The following KLRD1 variants were observed in gnomAD, a reference collection of about 807,000 sequenced individuals.
The protein encoded by KLRD1 is killer cell lectin like receptor D1, also known as natural killer cells antigen CD94.
Under a neutral mutation model 22.6 loss-of-function variants are expected in KLRD1, and 21 were observed. The ratio of observed to expected loss-of-function variants is 0.93; its 90% CI spans 0.66 to 1.34. The LOEUF is 1.34. Among genes scored for constraint, KLRD1 ranks in the 40% most tolerant of loss-of-function variants. KLRD1 has a pLI of 0.00. For missense variants in KLRD1, 183 were observed against 208.6 expected, an observed-to-expected ratio of 0.88 and a Z score of 0.76; for synonymous variants, 59 against 71.1, an observed-to-expected ratio of 0.83 and a Z score of 0.85.
At position 10,316,367 on chromosome 12, in the gene KLRD1, C is replaced by G. The variant is rs1950228793; in HGVS notation, c.*1574C>G. The G allele has an allele frequency of 6.6e-6, 1 of 152,060 alleles. No homozygotes were observed. Among genetic ancestry groups the G allele is most frequent in the Admixed American group, 6.6e-5 (1 of 15,254 alleles). The allele number at this position is 152,060 out of a possible 1,614,324, so 9.4% of individuals were successfully genotyped here. On this transcript the variant is annotated 3_prime_UTR_variant, in exon 6 of 6. Transcript: ENST00000336164. ...TCCTAAAAATATGTTACAACTGCTA[C>G]TTCATAGTTTATGCCACTTATTTTA...
chr12:10,251,512 GA>G lies in KLRD1; in HGVS notation c.-101+25282del, dbSNP rs1191750395. ...TTTTGGCCCCAGGGACCGGTTTCAT[GA>G]AAGATAATTTTTCTATGGATGGGAG... On this transcript the variant is annotated intron_variant, in intron 1 of 5. Coordinates refer to the KLRD1 transcript ENST00000544747. Among the ~76,000 whole-genome samples the G allele has an allele frequency of 3.9e-5, 6 of 152,110 alleles. 1 individual carries two copies. Among genetic ancestry groups the G allele is most frequent in the African/African-American group, 1.4e-4 (6 of 41,400 alleles).
chr12:10,239,397 A>C (rs575187755), intron 1 of KLRD1, among the ~76,000 whole-genome samples: 3,303 of 149,538 alleles, frequency 0.022, 320 homozygotes, highest in African/African-American at 0.078. Context: ...ATTTGGCAGC[A>C]GCATTTCCTT....
intron 1 of KLRD1, among the ~76,000 whole-genome samples, chr12:10,239,434 T>TTCCTTCCTTCCTTCCTTTCCTTCC (rs59390706): frequency 2.4e-5 from 1 of 41,402 alleles, no homozygotes; most frequent in African/African-American, 8.1e-5. Flanking sequence ...CCTTCCTTCC[T>TTCCTTCCTTCCTTCCTTTCCTTCC]TTCCTTCCTT....
chr12:10,296,843 C>T (rs1403166806), intron 1 of KLRD1, among the ~76,000 whole-genome samples: 1 of 152,194 alleles, frequency 6.6e-6, no homozygotes, highest in Admixed American at 6.5e-5. Context: ...GCTGTGTTTC[C>T]AACCAGGGGT....
intron 1 of KLRD1, among the ~76,000 whole-genome samples, chr12:10,294,164 A>G (rs1200936672): frequency 1.3e-5 from 2 of 152,210 alleles, no homozygotes; most frequent in Admixed American, 6.5e-5. Context: ...AGATTTCTCT[A>G]TACAACGCAC....
At chr12:10,274,346 G>A (rs1020378829) in intron 1 of KLRD1, among the ~76,000 whole-genome samples, 1 of 152,120 alleles carries the variant, frequency 6.6e-6, no homozygotes, top group African/African-American at 2.4e-5. Flanking sequence ...ATAAGGATGT[G>A]AAATGGTTGA....
In KLRD1 at chr12:10,322,372, T is replaced by C. The variant is rs544108583; in HGVS notation, c.*7579T>C. ...AAATAGAGGACATTTTAGAGCCCAA[T>C]AGTAAGCTAGGATTATATTTCCTTC... On this transcript the variant is annotated 3_prime_UTR_variant, in exon 6 of 6. Coordinates refer to ENST00000336164, the MANE Select transcript of KLRD1 (RefSeq NM_002262.5). The C allele has an allele frequency of 2.0e-5, 3 of 152,322 alleles. No individual in the cohort carries two copies. In the South Asian group the frequency reaches 6.2e-4, roughly 32 times the overall value. 9.4% of individuals were successfully genotyped at this position (152,322 alleles called of 1,614,324 possible).
At chr12:10,254,049 A>G (rs1387050148) in intron 1 of KLRD1, among the ~76,000 whole-genome samples, 3 of 152,166 alleles carry the variant, frequency 2.0e-5, no homozygotes, top group African/African-American at 7.2e-5. Context: ...ATTTCGTGAC[A>G]AAGACACCAA....
chr12:10,273,579 C>T (rs1301467215), intron 1 of KLRD1, among the ~76,000 whole-genome samples: 1 of 152,134 alleles, frequency 6.6e-6, no homozygotes, highest in East Asian at 1.9e-4. Context: ...GTCAACTGCC[C>T]TCTCCTTTGA....
chr12:10,286,995 G>A (rs747494842), intron 1 of KLRD1, among the ~76,000 whole-genome samples: 5 of 152,112 alleles, frequency 3.3e-5, no homozygotes, highest in East Asian at 1.9e-4. Context: ...ACAATTAGAC[G>A]GGCGTGGTGG....
chr12:10,288,581 A>T (rs1042319970), intron 1 of KLRD1, among the ~76,000 whole-genome samples: 1 of 152,190 alleles, frequency 6.6e-6, no homozygotes, highest in African/African-American at 2.4e-5. Context: ...TGTGTCTTCA[A>T]CTATGAAATT....
chr12:10,296,852 G>A (rs965189332), intron 1 of KLRD1, among the ~76,000 whole-genome samples: 3 of 152,196 alleles, frequency 2.0e-5, no homozygotes, highest in African/African-American at 7.2e-5. Flanking sequence ...CCAACCAGGG[G>A]TTTATAAATT....
chr12:10,288,055 G>A lies in KLRD1; in HGVS notation c.-100-19923G>A, dbSNP rs184478965. On this transcript the variant is annotated intron_variant, in intron 1 of 5. Coordinates refer to the KLRD1 transcript ENST00000544747. ...TGCACTCCAGTCTGGGCGACAGAGC[G>A]AGACTCTGTCTCAAAAAAAAAAAAA... 3.0e-4 allele frequency among the ~76,000 whole-genome samples: 44 copies of A among 146,700 alleles called. 1 individual carries two copies. The East Asian group carries it at 5.6e-3, about 19-fold the overall frequency.
chr12:10,269,189 C>T (rs781062122), intron 1 of KLRD1, among the ~76,000 whole-genome samples: 8 of 151,860 alleles, frequency 5.3e-5, no homozygotes, highest in African/African-American at 1.2e-4. Flanking sequence ...CTCACTTTGC[C>T]GCCCCGGCTG....
At chr12:10,276,616 C>T (rs7953567) in intron 1 of KLRD1, among the ~76,000 whole-genome samples, 5,205 of 151,678 alleles carry the variant, frequency 0.034, 308 homozygotes, top group African/African-American at 0.12. Context: ...ACAACCTCCC[C>T]GTCCCAGGTT....
rs371844502 is a variant in KLRD1 at position 10,254,039 on chromosome 12, AT to A, written c.-101+27809del. Among the ~76,000 whole-genome samples, 114 of 152,314 alleles carry A rather than the reference AT, an allele frequency of 7.5e-4. 1 individual carries two copies. Among genetic ancestry groups the A allele is most frequent in the Middle Eastern group, 3.4e-3 (1 of 294 alleles). The stretch of plus-strand genomic sequence containing the variant: ...TGGACACAGACAGGAATGGGCAAAG[AT>A]TTCGTGACAAAGACACCAAAAGCAA... On this transcript the variant is annotated intron_variant, in intron 1 of 5. Coordinates refer to the KLRD1 transcript ENST00000544747.
intron 1 of KLRD1, 110 bp downstream of exon 1, chr12:10,308,194 G>A: frequency 1.1e-6 from 1 of 918,912 alleles, no homozygotes; most frequent in Non-Finnish European, 1.8e-6. Context: ...AACAGTGGAT[G>A]TTTTTAGGAT....
At chr12:10,310,375 T>C (rs2137698880) in intron 3 of KLRD1, among the ~76,000 whole-genome samples, 1 of 152,322 alleles carries the variant, frequency 6.6e-6, no homozygotes, top group Non-Finnish European at 1.5e-5. Context: ...CTGCCTCGGC[T>C]TCCAAAGTGT....
chr12:10,294,556 GCCT>G (rs10595858), intron 1 of KLRD1, among the ~76,000 whole-genome samples: 148,317 of 151,724 alleles, frequency 0.98, 72,576 homozygotes, highest in Non-Finnish European at 1. Context: ...ATGCCACCAT[GCCT>G]GGCTAATTTT....
Sources: gnomAD v4.1 joint callset for allele counts (sites outside exome capture counted in the v4.1 genomes callset) on GRCh38, gnomAD v4.1.1 for gene constraint, MANE v1.5 for transcripts, NCBI Gene and HGNC (gene_info 2026-07-23, HGNC 2026-07-21) for gene names.